The following NPHP3 variants were observed in gnomAD, a reference collection of about 807,000 sequenced individuals.
NPHP3 encodes nephrocystin 3, also known as nephrocystin-3.
NPHP3 carries 123 observed loss-of-function variants against 171.9 expected under a neutral mutation model. That is an observed-to-expected ratio of 0.72 (90% CI 0.62 to 0.83). NPHP3 has a LOEUF of 0.83. Ranked by LOEUF, NPHP3 falls within the 40% of genes least tolerant of loss-of-function variation. The probability of loss-of-function intolerance (pLI) is 0.00; values close to 1 mark genes in which losing one functional copy is unlikely to be tolerated. For missense variants in NPHP3, 1,506 were observed against 1,591.9 expected (o/e 0.95, Z 0.92); for synonymous variants, 558 against 579.2 (o/e 0.96, Z 0.52).
Position 132,721,540 on chromosome 3 carries a change from G to A in NPHP3, c.393+423C>T, listed in dbSNP as rs1184166437. The A allele has an allele frequency of 1.3e-5, 4 of 314,360 alleles. No individual in the cohort carries two copies. In the East Asian group the frequency reaches 3.6e-4, roughly 28 times the overall value. The allele number at this position is 314,360 out of a possible 1,614,324, so 19.5% of individuals were successfully genotyped here. On this transcript the variant is annotated intron_variant, in intron 1 of 26. Coordinates refer to ENST00000337331, the MANE Select transcript of NPHP3 (RefSeq NM_153240.5). ...CAACAGATGTCACCAGCCTTCTGAG[G>A]GGGTGGGCGCGGGGGCGGCAGTGGA...
chr3:132,704,760 A>G (rs1479145607), intron 8 of NPHP3, among the ~76,000 whole-genome samples: 1 of 152,196 alleles, frequency 6.6e-6, no homozygotes, highest in African/African-American at 2.4e-5. Context: ...CTTGATCTCA[A>G]GTATCTCTGT....
chr3:132,718,253 T>G, intron 3 of NPHP3: 1 of 287,646 alleles, frequency 3.5e-6, no homozygotes, highest in Non-Finnish European at 6.7e-6. Context: ...AAATAGAATA[T>G]TTTTCTTTTT....
chr3:132,681,806 G>A lies in NPHP3; in HGVS notation c.*104C>T. On this transcript the variant is annotated 3_prime_UTR_variant, in exon 27 of 27. Transcript: ENST00000337331. ...ACAAATAGCAGTTAAATCACACGTA[G>A]TAAAATTTCGTACAACATTTTTTTA... 2 of 988,176 alleles carry A rather than the reference G, an allele frequency of 2.0e-6. No individual in the cohort carries two copies. The allele number at this position is 988,176 out of a possible 1,614,324, so 61.2% of individuals were successfully genotyped here.
intron 2 of NPHP3, 21 bp downstream of exon 2, chr3:132,719,684 G>A (rs1940152366): frequency 6.0e-6 from 9 of 1,501,868 alleles, no homozygotes; most frequent in Non-Finnish European, 6.3e-6. Context: ...TGCTTTGGGG[G>A]TAAAAATGTA....
intron 21 of NPHP3, among the ~76,000 whole-genome samples, chr3:132,687,479 T>C (rs1424188535): frequency 6.6e-6 from 1 of 152,224 alleles, no homozygotes; most frequent in Non-Finnish European, 1.5e-5. Flanking sequence ...TAAAAAAATT[T>C]TGACAAAACA....
intron 6 of NPHP3, among the ~76,000 whole-genome samples, chr3:132,711,060 C>G (rs1384602715): frequency 6.6e-6 from 1 of 152,222 alleles, no homozygotes; most frequent in Non-Finnish European, 1.5e-5. Context: ...CATCTGCACA[C>G]AGGGAATAAT....
intron 7 of NPHP3, among the ~76,000 whole-genome samples, chr3:132,706,263 G>C (rs1173525477): frequency 1.3e-5 from 2 of 151,668 alleles, no homozygotes; most frequent in Non-Finnish European, 2.9e-5. Flanking sequence ...GGAGGTTGAG[G>C]CAAGAGAATG....
intron 17 of NPHP3, among the ~76,000 whole-genome samples, chr3:132,692,035 C>G (rs1264804528): frequency 1.3e-5 from 2 of 152,206 alleles, no homozygotes; most frequent in African/African-American, 4.8e-5. Flanking sequence ...CTGCCCTATA[C>G]AGGCATACCG....
chr3:132,719,206 C>T (rs1362933496), intron 2 of NPHP3, 62 bp from the exon 3 acceptor site: 2 of 1,283,254 alleles, frequency 1.6e-6, no homozygotes, highest in African/African-American at 3.0e-5. Flanking sequence ...GTGTCATCAA[C>T]TTTAAGGGAA....
At chr3:132,713,334 A>G in intron 5 of NPHP3, 48 bp from the exon 6 acceptor site, 2 of 1,293,188 alleles carry the variant, frequency 1.5e-6, no homozygotes, top group Non-Finnish European at 2.2e-6. Context: ...TTAACTAAAG[A>G]TCAAGTGAGA....
At chr3:132,688,186 T>A (rs1035606736) in intron 21 of NPHP3, among the ~76,000 whole-genome samples, 15 of 152,234 alleles carry the variant, frequency 9.9e-5, no homozygotes, top group African/African-American at 2.9e-4. Context: ...AACTGTGTTT[T>A]ATGCACAAAT....
intron 13 of NPHP3, 25 bp downstream of exon 13, chr3:132,699,328 G>C: frequency 6.7e-7 from 1 of 1,495,270 alleles, no homozygotes; most frequent in Non-Finnish European, 9.3e-7. Context: ...CATGTACTCT[G>C]AAAGAACTAA....
At position 132,686,390 on chromosome 3, in the gene NPHP3, G is replaced by C. The variant is rs748849731; in HGVS notation, c.3202-3C>G. On this transcript the variant is annotated splice_polypyrimidine_tract_variant and splice_region_variant and intron_variant, in intron 22 of 26. Transcript: ENST00000337331. ...CTACGTAAAAGGGCAAATCCGTACT[G>C]CAGCAAACATGAAAAATGAAAAGCA... 2.5e-6 allele frequency: 4 copies of C among 1,613,860 alleles called. No individual in the cohort carries two copies. The Admixed American group carries it at 6.7e-5, about 27-fold the overall frequency.
rs754601686 is a variant in NPHP3, at chr3:132,681,967, C to T, written c.3936G>A (p.Thr1312=). The change falls in exon 27 of 27, where the codon ACG becomes ACA. Residue 1312 remains threonine (T), a synonymous_variant. Coordinates refer to ENST00000337331, the MANE Select transcript of NPHP3 (RefSeq NM_153240.5). ...APSRHSSSGD[T]FSLKTAHSPN... Reference sequence around the variant, plus strand: ...GAGAATGAGCTGTTTTTAAGCTAAACGTGTCTCCACTTGATGAATGGCGTG... The same window carrying T: ...GAGAATGAGCTGTTTTTAAGCTAAATGTGTCTCCACTTGATGAATGGCGTG... The T allele has an allele frequency of 8.1e-6, 13 of 1,613,972 alleles. No homozygotes were observed. The highest frequency in any genetic ancestry group is 7.7e-5 in the South Asian group (7 of 91,074).
intron 21 of NPHP3, among the ~76,000 whole-genome samples, chr3:132,687,995 C>A (rs1354452791): frequency 6.6e-6 from 1 of 152,140 alleles, no homozygotes; most frequent in African/African-American, 2.4e-5. Flanking sequence ...CTTATTTACA[C>A]AACTGGACTT....
In NPHP3 at chr3:132,694,973, A is replaced by C. The variant is rs748732993; in HGVS notation, c.2172-8T>G. ...TTGCCTGCTCTCCCAGCACTGTTGG[A>C]ATCGAGAAGAGATTTAATTTCTTAC... On this transcript the variant is annotated splice_region_variant and splice_polypyrimidine_tract_variant and intron_variant, in intron 15 of 26. Coordinates refer to ENST00000337331, the MANE Select transcript of NPHP3 (RefSeq NM_153240.5). 1.2e-6 allele frequency: 2 copies of C among 1,613,532 alleles called. No homozygotes were observed. The highest frequency in any genetic ancestry group is 1.7e-6 in the Non-Finnish European group (2 of 1,179,800).
intron 19 of NPHP3, among the ~76,000 whole-genome samples, chr3:132,689,900 T>C (rs1211034342): frequency 6.6e-6 from 1 of 152,140 alleles, no homozygotes; most frequent in Non-Finnish European, 1.5e-5. Context: ...AGAGAGTTTA[T>C]GTAGGAGCAA....
chr3:132,688,667 C>A lies in NPHP3; in HGVS notation c.3108G>T (p.Leu1036Phe). The change falls in exon 21 of 27, where the codon TTG becomes TTT. Residue 1036 changes from leucine (L) to phenylalanine (F), a missense_variant. Leu to Phe is a conservative substitution (Grantham distance 22). This residue lies in a region of NPHP3 where 569 missense variants were observed against 648.1 expected (regional missense o/e 0.88). Coordinates refer to ENST00000337331, the MANE Select transcript of NPHP3 (RefSeq NM_153240.5). ...AATCTTACTTATTTTGTTTCTGGTA[C>A]AAAGTTGCAAGTGCTTCAAGTTCAC... is the stretch of plus-strand genomic sequence containing the variant. ...TARELEALAT[L>F]YQKQNKYEQA... 6.2e-7 allele frequency: 1 copy of A among 1,614,052 alleles called. No individual in the cohort carries two copies. Among genetic ancestry groups the A allele is most frequent in the Non-Finnish European group, 8.5e-7 (1 of 1,179,936 alleles).
At chr3:132,698,169 G>C (rs1158939366) in intron 13 of NPHP3, among the ~76,000 whole-genome samples, 1 of 152,008 alleles carries the variant, frequency 6.6e-6, no homozygotes, top group Non-Finnish European at 1.5e-5. Flanking sequence ...TTCTAGTAGA[G>C]GCGGGGTTTC....
Sources: gnomAD v4.1 joint callset for allele counts (sites outside exome capture counted in the v4.1 genomes callset) on GRCh38, gnomAD v4.1.1 for gene constraint, gnomAD v4.1.1 regional missense constraint, MANE v1.5 for transcripts, NCBI Gene and HGNC (gene_info 2026-07-23, HGNC 2026-07-21) for gene names.